Variants in LY75 observed in about 807,000 individuals in gnomAD.
LY75 encodes the protein lymphocyte antigen 75, also known as C-type lectin domain family 13 member B.
Under a neutral mutation model 231.7 loss-of-function variants are expected in LY75, and 185 were observed. That is an observed-to-expected ratio of 0.80 (90% CI 0.71 to 0.90). LY75 has a LOEUF of 0.90. Ranked by LOEUF, LY75 falls within the 40% of genes least tolerant of loss-of-function variation. The pLI, the probability that LY75 is intolerant of heterozygous loss-of-function variation, is 0.00. For synonymous variants in LY75, 668 were observed against 689.0 expected (o/e 0.97, Z 0.48); for missense variants, 1,947 against 2,050.2 (o/e 0.95, Z 0.97).
Position 159,904,604 on chromosome 2 carries a change from G to A in LY75, c.79C>T (p.Pro27Ser). Residue 27 changes from proline to serine, a missense_variant, in exon 1 of 35, where the codon CCC becomes TCC. Transcript: ENST00000263636. Reference sequence around the variant, plus strand: ...CCGCGGTTACCTGCGCGGCCAGAGGGCTCCGCGAGATCGAAGAACCAGAAG... The same window carrying A: ...CCGCGGTTACCTGCGCGGCCAGAGGACTCCGCGAGATCGAAGAACCAGAAG... Reference protein sequence around the residue: ...LLFWFFDLAEPSGRAANDPFT... With the variant: ...LLFWFFDLAESSGRAANDPFT... The A allele has an allele frequency of 1.3e-6, 2 of 1,508,640 alleles. No individual in the cohort carries two copies. Among genetic ancestry groups the A allele is most frequent in the Non-Finnish European group, 8.8e-7 (1 of 1,132,210 alleles). The allele number at this position is 1,508,640 out of a possible 1,614,324, so 93.5% of individuals were successfully genotyped here.
intron 8 of LY75, 138 bp from the exon 9 acceptor site, chr2:159,879,507 C>G: frequency 8.0e-7 from 1 of 1,249,104 alleles, no homozygotes; most frequent in South Asian, 1.4e-5. Context: ...GAACACACTC[C>G]TAGAAAATGC....
At chr2:159,848,112 A>ACACACACACACACACACACACACC (rs1684269191) in intron 23 of LY75, among the ~76,000 whole-genome samples, 2 of 143,472 alleles carry the variant, frequency 1.4e-5, no homozygotes, top group Admixed American at 7.2e-5. Flanking sequence ...ACATACACAC[A>ACACACACACACACACACACACACC]CCATATATAC....
At chr2:159,890,171 A>C in intron 4 of LY75, 42 bp downstream of exon 4, 11 of 1,581,828 alleles carry the variant, frequency 7.0e-6, no homozygotes, top group Non-Finnish European at 9.4e-6. Flanking sequence ...GTACCTTTAC[A>C]ATTTTAGCCA....
intron 16 of LY75, among the ~76,000 whole-genome samples, chr2:159,856,329 AG>A (rs1684549856): frequency 6.6e-6 from 1 of 152,238 alleles, no homozygotes; most frequent in African/African-American, 2.4e-5. Context: ...ACTGTGGTTG[AG>A]GTAACTTCAA....
intron 26 of LY75, among the ~76,000 whole-genome samples, chr2:159,834,718 T>C (rs969101120): frequency 6.6e-6 from 1 of 152,256 alleles, no homozygotes; most frequent in Non-Finnish European, 1.5e-5. Context: ...TATCTGATTA[T>C]GATCTTTTTC....
chr2:159,859,756 ATG>A (rs2125859694), intron 15 of LY75, among the ~76,000 whole-genome samples: 1 of 152,278 alleles, frequency 6.6e-6, no homozygotes, highest in African/African-American at 2.4e-5. Context: ...TCAAATTTCC[ATG>A]TGAGATGAAT....
intron 34 of LY75, among the ~76,000 whole-genome samples, chr2:159,806,748 G>T (rs951265790): frequency 1.3e-5 from 2 of 152,170 alleles, no homozygotes. Context: ...TCTTAGGAAA[G>T]AATTATATAA....
intron 21 of LY75, 136 bp from the exon 22 acceptor site, chr2:159,850,603 A>G: frequency 9.3e-7 from 1 of 1,076,782 alleles, no homozygotes; most frequent in Non-Finnish European, 1.3e-6. Context: ...TAGTACCATA[A>G]GAATTCAAGT....
chr2:159,874,649 ATT>A (rs1491309693), intron 12 of LY75, among the ~76,000 whole-genome samples: 3 of 81,900 alleles, frequency 3.7e-5, no homozygotes, highest in African/African-American at 1.2e-4. Context: ...AAATATATAT[ATT>A]TTGTAAATAT....
intron 3 of LY75, among the ~76,000 whole-genome samples, chr2:159,892,842 G>A (rs769346894): frequency 6.6e-6 from 1 of 152,092 alleles, no homozygotes; most frequent in Non-Finnish European, 1.5e-5. Context: ...ACGAGAAAAA[G>A]CACTCTGACA....
chr2:159,863,193 C>T (rs1684765525), intron 14 of LY75, among the ~76,000 whole-genome samples: 1 of 152,054 alleles, frequency 6.6e-6, no homozygotes, highest in Admixed American at 6.5e-5. Context: ...ACCATACTTG[C>T]TTCATCCATT....
At chr2:159,890,106 G>A in intron 4 of LY75, 107 bp downstream of exon 4, 1 of 1,413,800 alleles carries the variant, frequency 7.1e-7, no homozygotes, top group Non-Finnish European at 9.4e-7. Context: ...TCCCAAGAGA[G>A]GTCAGAAAAG....
At chr2:159,867,077 G>A (rs148434311) in intron 13 of LY75, among the ~76,000 whole-genome samples, 540 of 152,178 alleles carry the variant, frequency 3.5e-3, no homozygotes, top group Non-Finnish European at 6.2e-3. Flanking sequence ...ACAGAAAAGA[G>A]TTTGCTCGAT....
chr2:159,902,833 A>C (rs1686119410), intron 1 of LY75: 1 of 152,252 alleles, frequency 6.6e-6, no homozygotes, highest in East Asian at 1.9e-4. Context: ...GGATTGGTTT[A>C]CTTCAAGCTG....
Position 159,816,913 on chromosome 2 carries a change from T to C in LY75, c.4273A>G (p.Ser1425Gly). 6 of 1,614,200 alleles carry C rather than the reference T, an allele frequency of 3.7e-6. No homozygotes were observed. Among genetic ancestry groups the C allele is most frequent in the Non-Finnish European group, 5.1e-6 (6 of 1,180,026 alleles). The change falls in exon 30 of 35, where the codon AGT becomes GGT. Residue 1425 changes from serine to glycine, a missense_variant. Physicochemically the swap from Ser to Gly is moderately conservative, Grantham distance 56 (BLOSUM62 0). Transcript: ENST00000263636. Reference protein sequence around the residue: ...WYEALNMCSQSGGHLASVHNQ... With the variant: ...WYEALNMCSQGGGHLASVHNQ... ...TGAACGCTTGCCAAGTGACCTCCACTTTGAGAACACATGTTTAATGCTTCA... is the reference window on the plus strand; with the variant it reads ...TGAACGCTTGCCAAGTGACCTCCACCTTGAGAACACATGTTTAATGCTTCA...
Position 159,878,508 on chromosome 2 carries a change from T to A in LY75, c.1605-15A>T, listed in dbSNP as rs1188531610. 3 of 1,613,362 alleles carry A rather than the reference T, an allele frequency of 1.9e-6. No individual in the cohort carries two copies. The highest frequency in any genetic ancestry group is 2.2e-5 in the East Asian group (1 of 44,862). On this transcript the variant is annotated splice_polypyrimidine_tract_variant and intron_variant, in intron 10 of 34. Transcript: ENST00000263636. ...CTTGCTCAAATCTACAAAAGGAGAATCAAATTGGCAAGTGTTTCACAATGA... is the reference window on the plus strand; with the variant it reads ...CTTGCTCAAATCTACAAAAGGAGAAACAAATTGGCAAGTGTTTCACAATGA...
At chr2:159,848,282 T>C (rs1428771317) in intron 23 of LY75, among the ~76,000 whole-genome samples, 2 of 151,980 alleles carry the variant, frequency 1.3e-5, no homozygotes, top group Non-Finnish European at 1.5e-5. Context: ...GAGACTATTA[T>C]TCTAAGTGAA....
rs760369583 is a variant in LY75, at chr2:159,816,792, G to A, written c.4380+14C>T. 10 of 1,606,926 alleles carry A rather than the reference G, an allele frequency of 6.2e-6. No individual in the cohort carries two copies. The highest frequency in any genetic ancestry group is 2.2e-5 in the East Asian group (1 of 44,744). Reference sequence around the variant, plus strand: ...CACATTTGAAAAGTTTCTGGAAAACGAAGCAAGACTTACATCATGACTTGA... The same window carrying A: ...CACATTTGAAAAGTTTCTGGAAAACAAAGCAAGACTTACATCATGACTTGA... On this transcript the variant is annotated intron_variant, in intron 30 of 34. Coordinates refer to ENST00000263636, the MANE Select transcript of LY75 (RefSeq NM_002349.4).
At position 159,854,471 on chromosome 2, in the gene LY75, A is replaced by G. The variant is rs1229247180; in HGVS notation, c.2484T>C (p.Asp828=). The change falls in exon 18 of 35, where the codon GAT becomes GAC. Residue 828 remains aspartate, a synonymous_variant. Coordinates refer to ENST00000263636, the MANE Select transcript of LY75 (RefSeq NM_002349.4). ...CGGCTTCTTCATAGTTTAGGTGAAG[A>G]TCAGCAACAAACCAATATTCACTTC... is the stretch of plus-strand genomic sequence containing the variant. ...IEGSEYWFVA[D]LHLNYEEAVL... is the part of the protein sequence containing the mutation. 11 of 1,613,720 alleles carry G rather than the reference A, an allele frequency of 6.8e-6. No individual in the cohort carries two copies. The highest frequency in any genetic ancestry group is 9.3e-6 in the Non-Finnish European group (11 of 1,179,734).
Sources: gnomAD v4.1 joint callset for allele counts (sites outside exome capture counted in the v4.1 genomes callset) on GRCh38, gnomAD v4.1.1 for gene constraint, MANE v1.5 for transcripts, NCBI Gene and HGNC (gene_info 2026-07-23, HGNC 2026-07-21) for gene names.